The following XYLT1 variants were observed in gnomAD, a reference collection of about 807,000 sequenced individuals.
XYLT1 encodes beta-D-xylosyltransferase 1.
In XYLT1, 36 loss-of-function variants were observed where a neutral mutation model predicts 91.3. That is an observed-to-expected ratio of 0.39 (90% CI 0.30 to 0.52). The LOEUF (loss-of-function observed/expected upper bound fraction) is 0.52. XYLT1 is among the 20% of genes least tolerant of loss of function. XYLT1 has a pLI of 0.68. For missense variants in XYLT1, 1,242 were observed against 1,284.5 expected (o/e 0.97, Z 0.51); for synonymous variants, 588 against 532.0 (o/e 1.11, Z -1.45).
chr16:17,420,656 T>C, intron 1 of XYLT1, among the ~76,000 whole-genome samples: 1 of 149,464 alleles, frequency 6.7e-6, no homozygotes, highest in East Asian at 1.9e-4. Context: ...TTTAGCACTA[T>C]CCAAAAAAAT....
chr16:17,368,034 C>T (rs2035477088), intron 1 of XYLT1, among the ~76,000 whole-genome samples: 1 of 152,206 alleles, frequency 6.6e-6, no homozygotes, highest in Non-Finnish European at 1.5e-5. Context: ...GAGCCTCTGA[C>T]CAGGACATCT....
At chr16:17,240,718 T>C in intron 3 of XYLT1, among the ~76,000 whole-genome samples, 1 of 152,198 alleles carries the variant, frequency 6.6e-6, no homozygotes, top group East Asian at 1.9e-4. Flanking sequence ...ATGAGGATAG[T>C]AATAAGATAA....
At chr16:17,234,234 T>G (rs1232247654) in intron 3 of XYLT1, among the ~76,000 whole-genome samples, 4 of 152,174 alleles carry the variant, frequency 2.6e-5, no homozygotes, top group African/African-American at 7.2e-5. Context: ...TGGATTCAAT[T>G]GCAGAAAGCC....
chr16:17,285,904 G>A (rs1243387684), intron 2 of XYLT1, among the ~76,000 whole-genome samples: 1 of 123,160 alleles, frequency 8.1e-6, no homozygotes, highest in Non-Finnish European at 1.7e-5. Context: ...GTGTGTGTGT[G>A]TGTGTGTGTG....
At chr16:17,373,224 G>T (rs1357478523) in intron 1 of XYLT1, among the ~76,000 whole-genome samples, 2 of 152,152 alleles carry the variant, frequency 1.3e-5, no homozygotes, top group African/African-American at 4.8e-5. Context: ...TCACAGTCCA[G>T]CTTCTCAGAT....
At chr16:17,200,371 C>A in intron 4 of XYLT1, 111 bp downstream of exon 4, 1 of 1,394,260 alleles carries the variant, frequency 7.2e-7, no homozygotes, top group Admixed American at 1.9e-5. Context: ...AGCTTCCAAG[C>A]CTTTTCTGAA....
intron 6 of XYLT1, among the ~76,000 whole-genome samples, chr16:17,153,116 C>T (rs1470838455): frequency 6.6e-6 from 1 of 152,108 alleles, no homozygotes; most frequent in Non-Finnish European, 1.5e-5. Context: ...TCATTATCAC[C>T]ACTACTACCA....
At chr16:17,325,671 C>T (rs968687792) in intron 2 of XYLT1, among the ~76,000 whole-genome samples, 2 of 152,032 alleles carry the variant, frequency 1.3e-5, no homozygotes, top group African/African-American at 4.8e-5. Flanking sequence ...AATTTCCAAC[C>T]GTGGGAATAT....
chr16:17,327,448 C>T (rs1304080015), intron 2 of XYLT1, among the ~76,000 whole-genome samples: 1 of 149,850 alleles, frequency 6.7e-6, no homozygotes, highest in Non-Finnish European at 1.5e-5. Flanking sequence ...CTGCAAGCTC[C>T]GCCCCCCGGG....
chr16:17,338,998 C>T (rs1005106477), intron 2 of XYLT1, among the ~76,000 whole-genome samples: 1 of 152,152 alleles, frequency 6.6e-6, no homozygotes, highest in African/African-American at 2.4e-5. Flanking sequence ...AGAAATCTAT[C>T]TTACAAAAAT....
In XYLT1 at chr16:17,126,909, A is replaced by G. The variant is rs76978805; in HGVS notation, c.2223+757T>C. 5.3e-3 allele frequency among the ~76,000 whole-genome samples: 803 copies of G among 152,338 alleles called. 8 individuals carry two copies. Among genetic ancestry groups the G allele is most frequent in the African/African-American group, 0.018 (749 of 41,584 alleles). ...GATACCACAGTGAAGAGGGAGACACAGTTCCAGCTCTCTTGTGAACAATCA... is the reference window on the plus strand; with the variant it reads ...GATACCACAGTGAAGAGGGAGACACGGTTCCAGCTCTCTTGTGAACAATCA... On this transcript the variant is annotated intron_variant, in intron 10 of 11. Transcript: ENST00000261381.
chr16:17,226,325 AGCCTCAGG>A (rs1416532757), intron 3 of XYLT1, among the ~76,000 whole-genome samples: 1 of 152,188 alleles, frequency 6.6e-6, no homozygotes, highest in Non-Finnish European at 1.5e-5. Flanking sequence ...TTACATTCAA[AGCCTCAGG>A]GCCGTAGTAC....
chr16:17,305,074 A>C (rs993325259), intron 2 of XYLT1, among the ~76,000 whole-genome samples: 2 of 152,008 alleles, frequency 1.3e-5, no homozygotes, highest in African/African-American at 2.4e-5. Context: ...AATTTCACTA[A>C]CTCCTGATGA....
At position 17,190,668 on chromosome 16, in the gene XYLT1, C is replaced by A. The variant is rs146603921; in HGVS notation, c.1289+7544G>T. ...CATAGTATTCCATGGTGTATATGTG[C>A]CACATTTTCTTAATCCAGTCTATCA... On this transcript the variant is annotated intron_variant, in intron 5 of 11. Transcript: ENST00000261381. Among the ~76,000 whole-genome samples, 227 of 152,134 alleles carry A rather than the reference C, an allele frequency of 1.5e-3. 2 individuals are homozygous for A. The highest frequency in any genetic ancestry group is 4.9e-3 in the African/African-American group (202 of 41,500).
At chr16:17,359,542 C>G (rs2035352313) in intron 1 of XYLT1, among the ~76,000 whole-genome samples, 1 of 152,198 alleles carries the variant, frequency 6.6e-6, no homozygotes, top group Non-Finnish European at 1.5e-5. Context: ...AACTCCAATT[C>G]TGAGTCCAAC....
chr16:17,368,078 A>G (rs1432601232), intron 1 of XYLT1, among the ~76,000 whole-genome samples: 1 of 152,176 alleles, frequency 6.6e-6, no homozygotes, highest in Non-Finnish European at 1.5e-5. Flanking sequence ...GTGATTCAGC[A>G]GTGCTTCGCG....
At chr16:17,193,960 T>C (rs754751409) in intron 5 of XYLT1, 2 of 151,890 alleles carry the variant, frequency 1.3e-5, no homozygotes, top group African/African-American at 2.4e-5. Context: ...ATCAGTGAAG[T>C]AGAGGAAGAT....
chr16:17,208,931 C>T (rs12596668), intron 3 of XYLT1, among the ~76,000 whole-genome samples: 45,216 of 151,994 alleles, frequency 0.3, 7,639 homozygotes, highest in East Asian at 0.54. Flanking sequence ...TTTGCCATGT[C>T]GGCCAGGCTG....
chr16:17,297,310 T>G (rs989350129), intron 2 of XYLT1, among the ~76,000 whole-genome samples: 3 of 152,180 alleles, frequency 2.0e-5, no homozygotes, highest in Non-Finnish European at 4.4e-5. Context: ...CTCACGCCTA[T>G]AATCCCAGCA....
Sources: gnomAD v4.1 joint callset for allele counts (sites outside exome capture counted in the v4.1 genomes callset) on GRCh38, gnomAD v4.1.1 for gene constraint, MANE v1.5 for transcripts, NCBI Gene and HGNC (gene_info 2026-07-23, HGNC 2026-07-21) for gene names.